Variants in MGAT4C observed in about 807,000 individuals in gnomAD.
The protein encoded by MGAT4C is alpha-1,3-mannosyl-glycoprotein 4-beta-N-acetylglucosaminyltransferase C.
MGAT4C carries 19 observed loss-of-function variants against 40.1 expected under a neutral mutation model. The observed-to-expected ratio is 0.47, with a 90% confidence interval of 0.33 to 0.70. The LOEUF (loss-of-function observed/expected upper bound fraction) is 0.70, where lower values mean the gene tolerates loss of function less well. Among genes scored for constraint, MGAT4C ranks in the 30% least tolerant of loss-of-function variants. The pLI is 0.02. For synonymous variants in MGAT4C, 181 were observed against 187.1 expected (o/e 0.97, Z 0.27); for missense variants, 491 against 563.2 (o/e 0.87, Z 1.30).
At chr12:86,361,399 G>C (rs1195041250) in intron 3 of MGAT4C, among the ~76,000 whole-genome samples, 1 of 150,376 alleles carries the variant, frequency 6.6e-6, no homozygotes, top group Non-Finnish European at 1.5e-5. Context: ...GAAAACTTAG[G>C]CAATACCATT....
intron 1 of MGAT4C, among the ~76,000 whole-genome samples, chr12:86,184,370 CG>C (rs1305028596): frequency 6.8e-6 from 1 of 147,766 alleles, no homozygotes; most frequent in Non-Finnish European, 1.5e-5. Context: ...AGTGAGACTC[CG>C]TTTAAAAAAA....
At chr12:86,420,121 T>C (rs1263406081) in intron 3 of MGAT4C, among the ~76,000 whole-genome samples, 1 of 137,784 alleles carries the variant, frequency 7.3e-6, no homozygotes, top group Non-Finnish European at 1.6e-5. Flanking sequence ...CTTATACTCA[T>C]AATCCCAGCA....
intron 2 of MGAT4C, among the ~76,000 whole-genome samples, chr12:86,537,811 G>T (rs970586144): frequency 6.6e-6 from 1 of 152,172 alleles, no homozygotes; most frequent in Non-Finnish European, 1.5e-5. Flanking sequence ...TTTGGGCCAG[G>T]TGTGGTGGCT....
intron 1 of MGAT4C, among the ~76,000 whole-genome samples, chr12:86,820,923 T>C (rs956451915): frequency 2.7e-5 from 4 of 150,874 alleles, no homozygotes; most frequent in African/African-American, 9.7e-5. Context: ...TTTAGGGCAA[T>C]AGGTAAAACT....
At chr12:86,147,496 C>A (rs1883705107) in intron 1 of MGAT4C, among the ~76,000 whole-genome samples, 1 of 152,206 alleles carries the variant, frequency 6.6e-6, no homozygotes, top group South Asian at 2.1e-4. Context: ...CCGCCTCGGC[C>A]TCCCAAAGTG....
chr12:86,127,678 A>T (rs1880507302), intron 1 of MGAT4C, among the ~76,000 whole-genome samples: 1 of 152,134 alleles, frequency 6.6e-6, no homozygotes, highest in Non-Finnish European at 1.5e-5. Flanking sequence ...AAGCTTTTTT[A>T]TATTTTTAAT....
chr12:86,223,989 C>G (rs1593278920), intron 1 of MGAT4C, among the ~76,000 whole-genome samples: 1 of 152,196 alleles, frequency 6.6e-6, no homozygotes, highest in South Asian at 2.1e-4. Flanking sequence ...AGAATCTGCC[C>G]AAAACCTGGC....
chr12:86,746,723 C>T (rs1951159689), intron 1 of MGAT4C, among the ~76,000 whole-genome samples: 1 of 151,576 alleles, frequency 6.6e-6, no homozygotes, highest in Non-Finnish European at 1.5e-5. Context: ...CTGGAACAGT[C>T]CTTCACCTCC....
rs1300030609 is a variant in MGAT4C, at chr12:86,212,664, G to A, written c.-57+43575C>T. On this transcript the variant is annotated intron_variant, in intron 1 of 4. Coordinates refer to ENST00000611864, the MANE Select transcript of MGAT4C (RefSeq NM_001351288.2). ...AGCACTTTGGGAGGCCGAGGCGGGC[G>A]GATCACGAGGTCAGGAGATCGAGAC... is the stretch of plus-strand genomic sequence containing the variant. Among the ~76,000 whole-genome samples the A allele has an allele frequency of 4.7e-5, 7 of 149,864 alleles. 1 individual carries two copies. In the South Asian group the frequency reaches 6.3e-4, roughly 14 times the overall value.
intron 1 of MGAT4C, among the ~76,000 whole-genome samples, chr12:86,734,958 T>C (rs962980324): frequency 3.3e-5 from 5 of 151,958 alleles, no homozygotes; most frequent in Non-Finnish European, 5.9e-5. Context: ...AACATTTAAA[T>C]AGTGTGTATA....
intron 2 of MGAT4C, among the ~76,000 whole-genome samples, chr12:86,438,589 A>G (rs966803516): frequency 6.6e-6 from 1 of 151,994 alleles, no homozygotes; most frequent in Non-Finnish European, 1.5e-5. Flanking sequence ...CTATGTAACA[A>G]TCAATATGAT....
At chr12:86,492,970 T>C (rs1958167733) in intron 2 of MGAT4C, among the ~76,000 whole-genome samples, 1 of 151,300 alleles carries the variant, frequency 6.6e-6, no homozygotes, top group Non-Finnish European at 1.5e-5. Flanking sequence ...AACAACCCCA[T>C]CAAAAAGTGG....
At chr12:86,451,007 G>C (rs768029438) in intron 2 of MGAT4C, among the ~76,000 whole-genome samples, 2 of 152,024 alleles carry the variant, frequency 1.3e-5, no homozygotes, top group Non-Finnish European at 2.9e-5. Context: ...AGCTATATCA[G>C]TCTTATTTGG....
At chr12:86,400,639 A>C (rs1956339224) in intron 3 of MGAT4C, among the ~76,000 whole-genome samples, 1 of 152,214 alleles carries the variant, frequency 6.6e-6, no homozygotes, top group African/African-American at 2.4e-5. Flanking sequence ...AAACATGAGA[A>C]AGTAACATCA....
At chr12:86,729,571 G>A (rs1176624296) in intron 1 of MGAT4C, among the ~76,000 whole-genome samples, 1 of 151,884 alleles carries the variant, frequency 6.6e-6, no homozygotes, top group South Asian at 2.1e-4. Flanking sequence ...TGAAACTTAG[G>A]AGCTATTTAA....
intron 2 of MGAT4C, among the ~76,000 whole-genome samples, chr12:86,527,249 A>G (rs946712489): frequency 1.3e-5 from 2 of 152,196 alleles, no homozygotes; most frequent in Non-Finnish European, 2.9e-5. Context: ...CTCCAGCAAC[A>G]TTTATTGAAA....
At chr12:86,321,651 T>C (rs961031602) in intron 4 of MGAT4C, among the ~76,000 whole-genome samples, 2 of 152,160 alleles carry the variant, frequency 1.3e-5, no homozygotes, top group Admixed American at 1.3e-4. Flanking sequence ...TTATACTTTT[T>C]TAAAAATCAG....
chr12:86,765,712 C>T (rs1427853541), intron 1 of MGAT4C, among the ~76,000 whole-genome samples: 1 of 152,142 alleles, frequency 6.6e-6, no homozygotes, highest in East Asian at 1.9e-4. Context: ...GGCCAATATT[C>T]AACATTCTTA....
chr12:86,711,276 G>T (rs915494134), intron 2 of MGAT4C, among the ~76,000 whole-genome samples: 1 of 152,126 alleles, frequency 6.6e-6, no homozygotes, highest in African/African-American at 2.4e-5. Flanking sequence ...AGAGCCAAAA[G>T]GGGGTAAAGA....
Sources: gnomAD v4.1 joint callset for allele counts (sites outside exome capture counted in the v4.1 genomes callset) on GRCh38, gnomAD v4.1.1 for gene constraint, MANE v1.5 for transcripts, NCBI Gene and HGNC (gene_info 2026-07-23, HGNC 2026-07-21) for gene names.